The following NUFIP2 variants were observed in gnomAD, a reference collection of about 807,000 sequenced individuals.
NUFIP2 encodes the protein FMR1-interacting protein NUFIP2.
In NUFIP2, 6 loss-of-function variants were observed where a neutral mutation model predicts 56.9. That is an observed-to-expected ratio of 0.11 (90% CI 0.06 to 0.21). The LOEUF (loss-of-function observed/expected upper bound fraction) is 0.21. NUFIP2 is among the 10% of genes least tolerant of loss of function. The probability of loss-of-function intolerance (pLI) is 1.00; values close to 1 mark genes in which losing one functional copy is unlikely to be tolerated. For missense variants in NUFIP2, 828 were observed against 826.8 expected, an observed-to-expected ratio of 1.00 and a Z score of -0.02; for synonymous variants, 321 against 298.2, an observed-to-expected ratio of 1.08 and a Z score of -0.79.
chr17:29,266,647 G>A (rs1567675663), intron 3 of NUFIP2, among the ~76,000 whole-genome samples: 1 of 151,902 alleles, frequency 6.6e-6, no homozygotes, highest in Non-Finnish European at 1.5e-5. Flanking sequence ...TAGGCTGTTT[G>A]TTGTCTACCA....
chr17:29,289,868 T>TCCTA (rs1310012608), intron 1 of NUFIP2, among the ~76,000 whole-genome samples: 1 of 152,094 alleles, frequency 6.6e-6, no homozygotes, highest in Admixed American at 6.6e-5. Context: ...GCATAATCAT[T>TCCTA]CCTAAAACAG....
At chr17:29,282,950 C>T (rs1275110992) in intron 2 of NUFIP2, among the ~76,000 whole-genome samples, 1 of 152,092 alleles carries the variant, frequency 6.6e-6, no homozygotes, top group African/African-American at 2.4e-5. Flanking sequence ...TGCTAATGGA[C>T]CAATCAACAT....
chr17:29,283,789 G>A (rs2069154224), intron 2 of NUFIP2, among the ~76,000 whole-genome samples: 1 of 152,172 alleles, frequency 6.6e-6, no homozygotes, highest in Non-Finnish European at 1.5e-5. Context: ...AAAAAACGAA[G>A]CATTTATCTT....
Position 29,286,364 on chromosome 17 carries a change from A to G in NUFIP2, c.1630T>C (p.Leu544=), listed in dbSNP as rs138360573. 433 of 1,614,056 alleles carry G rather than the reference A, an allele frequency of 2.7e-4. No homozygotes were observed. Among genetic ancestry groups the G allele is most frequent in the Non-Finnish European group, 3.4e-4 (401 of 1,180,038 alleles). ...ATTATTTCAGCACCCTGTGAAACCAAAGTAGCAGGATATTCTCCTTGAAAT... is the reference window on the plus strand; with the variant it reads ...ATTATTTCAGCACCCTGTGAAACCAGAGTAGCAGGATATTCTCCTTGAAAT... ...VTFQGEYPAT[L]VSQGAEIIPS... Residue 544 remains leucine, a synonymous_variant, in exon 2 of 4, where the codon TTG becomes CTG. Transcript: ENST00000225388.
In NUFIP2 at chr17:29,286,470, A is replaced by G; in HGVS notation, c.1524T>C (p.Gly508=). 1.2e-6 allele frequency: 2 copies of G among 1,614,154 alleles called. No homozygotes were observed. Among genetic ancestry groups the G allele is most frequent in the African/African-American group, 2.7e-5 (2 of 75,032 alleles). Reference sequence around the variant, plus strand: ...CACTGGGCTCATTTATAAATGATAAACCCCACTGATTCTGGAAGATATCCC... The same window carrying G: ...CACTGGGCTCATTTATAAATGATAAGCCCCACTGATTCTGGAAGATATCCC... ...NLGDIFQNQW[G]LSFINEPSAG... The change falls in exon 2 of 4, where the codon GGT becomes GGC. Residue 508 remains glycine, a synonymous_variant. Coordinates refer to ENST00000225388, the MANE Select transcript of NUFIP2 (RefSeq NM_020772.3).
chr17:29,271,074 G>C (rs1478248965), intron 2 of NUFIP2, among the ~76,000 whole-genome samples: 1 of 152,006 alleles, frequency 6.6e-6, no homozygotes, highest in Non-Finnish European at 1.5e-5. Context: ...GCAGCTTAAG[G>C]TTTTACTCAA....
intron 2 of NUFIP2, among the ~76,000 whole-genome samples, chr17:29,268,551 CTT>C (rs1363592154): frequency 2.0e-5 from 3 of 151,984 alleles, no homozygotes; most frequent in African/African-American, 4.8e-5. Flanking sequence ...GAGTTTCACT[CTT>C]GTTGCCCAGG....
At position 29,262,859 on chromosome 17, in the gene NUFIP2, C is replaced by CAA. The variant is rs1390756977; in HGVS notation, c.*1679_*1680insTT. 2.6e-5 allele frequency: 4 copies of CAA among 152,234 alleles called. No individual in the cohort carries two copies. Among genetic ancestry groups the CAA allele is most frequent in the African/African-American group, 9.6e-5 (4 of 41,510 alleles). 9.4% of individuals were successfully genotyped at this position (152,234 alleles called of 1,614,324 possible). On this transcript the variant is annotated 3_prime_UTR_variant, in exon 4 of 4. Transcript: ENST00000225388. ...AGACTAAAAAGATAGTTACTCTACT[C>CAA]TATGTTGAGTCCAACAGCTTCTTTC...
intron 2 of NUFIP2, among the ~76,000 whole-genome samples, chr17:29,274,885 T>A (rs538747483): frequency 6.6e-6 from 1 of 152,012 alleles, no homozygotes; most frequent in African/African-American, 2.4e-5. Flanking sequence ...ATGGTCCATA[T>A]CATCTAATGA....
intron 2 of NUFIP2, among the ~76,000 whole-genome samples, chr17:29,280,758 G>A (rs2069134685): frequency 6.6e-6 from 1 of 152,138 alleles, no homozygotes. Context: ...GGCGGAGGTG[G>A]GCGGAGAACT....
At chr17:29,293,746 C>T (rs762404707) in intron 1 of NUFIP2, 37 bp downstream of exon 1, 3 of 1,360,504 alleles carry the variant, frequency 2.2e-6, no homozygotes, top group African/African-American at 1.4e-5. Flanking sequence ...GTCCTCCACC[C>T]CCAACCCCCT....
intron 1 of NUFIP2, among the ~76,000 whole-genome samples, chr17:29,289,316 G>C (rs2069196738): frequency 6.6e-6 from 1 of 152,068 alleles, no homozygotes; most frequent in Non-Finnish European, 1.5e-5. Context: ...ATACAGGCCG[G>C]GTGCAGTGGC....
At chr17:29,292,895 GCC>G (rs2069226291) in intron 1 of NUFIP2, among the ~76,000 whole-genome samples, 1 of 142,786 alleles carries the variant, frequency 7.0e-6, no homozygotes, top group Admixed American at 6.9e-5. Context: ...GGGGGGGGCG[GCC>G]GCGGTGCGGG....
At position 29,258,687 on chromosome 17, in the gene NUFIP2, TA is replaced by T. The variant is rs1352778295; in HGVS notation, c.*5851del. 6 of 152,344 alleles carry T rather than the reference TA, an allele frequency of 3.9e-5. No homozygotes were observed. The highest frequency in any genetic ancestry group is 1.2e-4 in the African/African-American group (5 of 41,576). 9.4% of individuals were successfully genotyped at this position (152,344 alleles called of 1,614,324 possible). Reference sequence around the variant, plus strand: ...TTGTCCTTCATAGGACAATATCAGCTAAGAATTAGTTACTTGTATTGATTCC... The same window carrying T: ...TTGTCCTTCATAGGACAATATCAGCTAGAATTAGTTACTTGTATTGATTCC... On this transcript the variant is annotated 3_prime_UTR_variant, in exon 4 of 4. Transcript: ENST00000225388.
intron 2 of NUFIP2, among the ~76,000 whole-genome samples, chr17:29,282,806 G>A (rs1249561672): frequency 6.6e-6 from 1 of 151,996 alleles, no homozygotes; most frequent in Non-Finnish European, 1.5e-5. Context: ...AAATAATACA[G>A]ATGTTCTTAA....
intron 2 of NUFIP2, among the ~76,000 whole-genome samples, chr17:29,268,976 T>C (rs2069055824): frequency 6.6e-6 from 1 of 152,186 alleles, no homozygotes; most frequent in Non-Finnish European, 1.5e-5. Context: ...TATGTACATG[T>C]ACAAATTATA....
chr17:29,268,494 A>G (rs2069052077), intron 2 of NUFIP2, among the ~76,000 whole-genome samples: 1 of 151,550 alleles, frequency 6.6e-6, no homozygotes, highest in Admixed American at 6.6e-5. Flanking sequence ...TCTAAACCAC[A>G]CCTCTTTTTT....
At chr17:29,272,098 G>GGGGAA (rs2069077506) in intron 2 of NUFIP2, among the ~76,000 whole-genome samples, 1 of 143,814 alleles carries the variant, frequency 7.0e-6, no homozygotes, top group Non-Finnish European at 1.5e-5. Flanking sequence ...GGGGAGGGGA[G>GGGGAA]GGGAGGGGAG....
At chr17:29,291,340 T>G (rs976259484) in intron 1 of NUFIP2, among the ~76,000 whole-genome samples, 55 of 152,160 alleles carry the variant, frequency 3.6e-4, no homozygotes, top group Admixed American at 2.2e-3. Flanking sequence ...CGCCCTCTTC[T>G]GGATTAAAAA....
Sources: gnomAD v4.1 joint callset for allele counts (sites outside exome capture counted in the v4.1 genomes callset) on GRCh38, gnomAD v4.1.1 for gene constraint, MANE v1.5 for transcripts, NCBI Gene and HGNC (gene_info 2026-07-23, HGNC 2026-07-21) for gene names.